Variants in KLHL3 observed in about 807,000 individuals in gnomAD.
The protein encoded by KLHL3 is kelch-like protein 3.
KLHL3 carries 19 observed loss-of-function variants against 70.5 expected under a neutral mutation model. The ratio of observed to expected loss-of-function variants is 0.27; its 90% CI spans 0.19 to 0.40. KLHL3 has a LOEUF of 0.40. Ranked by LOEUF, KLHL3 falls within the 10% of genes least tolerant of loss-of-function variation. The probability of loss-of-function intolerance (pLI) is 1.00; values close to 1 mark genes in which losing one functional copy is unlikely to be tolerated. For synonymous variants in KLHL3, 258 were observed against 290.3 expected (o/e 0.89, Z 1.13); for missense variants, 512 against 771.1 (o/e 0.66, Z 3.98).
intron 10 of KLHL3, 78 bp downstream of exon 10, chr5:137,638,875 G>C: frequency 7.1e-7 from 1 of 1,400,214 alleles, no homozygotes; most frequent in Non-Finnish European, 9.9e-7. Context: ...AGTTGGTCCA[G>C]AACTGGCTGA....
intron 1 of KLHL3, chr5:137,720,857 C>T: frequency 8.0e-7 from 1 of 1,253,632 alleles, no homozygotes; most frequent in Non-Finnish European, 1.0e-6. Context: ...TCTCTCCATC[C>T]TGAAAACTGA....
chr5:137,627,488 C>CCCCCCCCG (rs58918247), intron 13 of KLHL3, among the ~76,000 whole-genome samples: 1 of 92,352 alleles, frequency 1.1e-5, no homozygotes, highest in African/African-American at 3.8e-5. Flanking sequence ...CCCCCCCCCC[C>CCCCCCCCG]GGTTTACACT....
At chr5:137,700,283 A>G (rs1221863627) in intron 3 of KLHL3, among the ~76,000 whole-genome samples, 1 of 152,272 alleles carries the variant, frequency 6.6e-6, no homozygotes, top group African/African-American at 2.4e-5. Flanking sequence ...ATGAGGGTCC[A>G]GTTGGTAATT....
intron 2 of KLHL3, 137 bp from the exon 3 acceptor site, chr5:137,709,993 A>C: frequency 1.5e-6 from 1 of 687,920 alleles, no homozygotes; most frequent in South Asian, 1.7e-5. Flanking sequence ...CTCTATCTTG[A>C]GTTAGGGAGG....
At chr5:137,702,983 G>A (rs1456709425) in intron 3 of KLHL3, among the ~76,000 whole-genome samples, 1 of 152,206 alleles carries the variant, frequency 6.6e-6, no homozygotes, top group Non-Finnish European at 1.5e-5. Context: ...TGGACTGGAG[G>A]AGGGAAAGGA....
intron 1 of KLHL3, among the ~76,000 whole-genome samples, chr5:137,721,623 C>T (rs1244306456): frequency 6.6e-6 from 1 of 152,166 alleles, no homozygotes; most frequent in Non-Finnish European, 1.5e-5. Context: ...CAAGAGTCAA[C>T]CATAATCTCA....
intron 7 of KLHL3, among the ~76,000 whole-genome samples, chr5:137,660,531 T>A (rs905780608): frequency 6.6e-6 from 1 of 152,160 alleles, no homozygotes; most frequent in Non-Finnish European, 1.5e-5. Flanking sequence ...GGCAGTGGTA[T>A]CACCCAAAGT....
At chr5:137,651,459 A>G (rs74759560) in intron 8 of KLHL3, among the ~76,000 whole-genome samples, 22 of 152,380 alleles carry the variant, frequency 1.4e-4, no homozygotes, top group Non-Finnish European at 2.8e-4. Flanking sequence ...TCAAAAGAAA[A>G]CATTTACAAT....
chr5:137,676,065 A>G (rs957199096), intron 6 of KLHL3, among the ~76,000 whole-genome samples: 1 of 152,168 alleles, frequency 6.6e-6, no homozygotes, highest in Non-Finnish European at 1.5e-5. Flanking sequence ...GGTCCTATGC[A>G]CACACACGCA....
At chr5:137,652,501 T>C (rs770825967) in intron 8 of KLHL3, among the ~76,000 whole-genome samples, 35 of 152,236 alleles carry the variant, frequency 2.3e-4, no homozygotes, top group Admixed American at 6.5e-5. Context: ...AAGGAAATCC[T>C]GTCATCTGTG....
chr5:137,723,917 C>T (rs1462909628), intron 1 of KLHL3, among the ~76,000 whole-genome samples: 1 of 152,130 alleles, frequency 6.6e-6, no homozygotes, highest in African/African-American at 2.4e-5. Context: ...GTTTTTAAGT[C>T]ATAAAGTAAT....
chr5:137,652,359 A>G (rs1580733798), intron 8 of KLHL3, among the ~76,000 whole-genome samples: 1 of 152,302 alleles, frequency 6.6e-6, no homozygotes, highest in African/African-American at 2.4e-5. Flanking sequence ...AGAGATATCT[A>G]CTCTTGTGTT....
intron 5 of KLHL3, among the ~76,000 whole-genome samples, chr5:137,679,363 A>G (rs1580754717): frequency 2.0e-5 from 3 of 152,168 alleles, no homozygotes; most frequent in African/African-American, 7.2e-5. Flanking sequence ...GCCACAGCTG[A>G]GCTCAGCAGG....
intron 12 of KLHL3, among the ~76,000 whole-genome samples, chr5:137,632,323 G>A (rs796569234): frequency 1.6e-4 from 24 of 152,132 alleles, no homozygotes; most frequent in African/African-American, 3.9e-4. Context: ...AGAGAACAAT[G>A]GAACAGAATA....
chr5:137,708,653 C>A (rs913046596), intron 3 of KLHL3, among the ~76,000 whole-genome samples: 1 of 152,144 alleles, frequency 6.6e-6, no homozygotes, highest in Non-Finnish European at 1.5e-5. Flanking sequence ...AAACACATAA[C>A]AACAAACCAA....
At chr5:137,647,805 G>A (rs965346184) in intron 8 of KLHL3, among the ~76,000 whole-genome samples, 7 of 152,154 alleles carry the variant, frequency 4.6e-5, no homozygotes, top group Non-Finnish European at 1.0e-4. Context: ...AGGCCCGGGG[G>A]GAGAGAAGAG....
At chr5:137,643,338 G>A (rs955818058) in intron 8 of KLHL3, among the ~76,000 whole-genome samples, 3 of 143,396 alleles carry the variant, frequency 2.1e-5, no homozygotes, top group Non-Finnish European at 4.5e-5. Context: ...CTGGGCAACA[G>A]AGTGAGACCC....
chr5:137,620,614 A>C lies in KLHL3; in HGVS notation c.*1484T>G, dbSNP rs1750266874. On this transcript the variant is annotated 3_prime_UTR_variant, in exon 15 of 15. Transcript: ENST00000309755. ...AGCATGAGCAATTTGCTAGTTTAGG[A>C]ACAGCACAACTTTAAGGTTTTTTAA... The C allele has an allele frequency of 6.6e-6, 1 of 152,250 alleles. No individual in the cohort carries two copies. The highest frequency in any genetic ancestry group is 1.5e-5 in the Non-Finnish European group (1 of 68,048). 9.4% of individuals were successfully genotyped at this position (152,250 alleles called of 1,614,324 possible). A position where few individuals can be genotyped will look rare whatever the true frequency, so the allele number is the denominator to read the frequency against.
chr5:137,621,858 C>T lies in KLHL3; in HGVS notation c.*240G>A, dbSNP rs770309168. 11 of 576,840 alleles carry T rather than the reference C, an allele frequency of 1.9e-5. No individual in the cohort carries two copies. The highest frequency in any genetic ancestry group is 3.1e-5 in the Non-Finnish European group (10 of 321,336). 35.7% of individuals were successfully genotyped at this position (576,840 alleles called of 1,614,324 possible). A position where few individuals can be genotyped will look rare whatever the true frequency, so the allele number is the denominator to read the frequency against. ...ACCAAAACAAAGCCCAAAGGTGCTG[C>T]CTGGGGATGTCAAGACCCCCCTTGC... On this transcript the variant is annotated 3_prime_UTR_variant, in exon 15 of 15. Transcript: ENST00000309755.
Sources: allele counts gnomAD v4.1 joint callset (sites outside exome capture counted in the v4.1 genomes callset), GRCh38; gene constraint gnomAD v4.1.1; transcripts MANE v1.5; gene names NCBI Gene and HGNC (gene_info 2026-07-23, HGNC 2026-07-21).